DSCAML1: variants seen among roughly 807,000 people sequenced by gnomAD.
DSCAML1 encodes the protein cell adhesion molecule DSCAML1.
Under a neutral mutation model 200.5 loss-of-function variants are expected in DSCAML1, and 38 were observed. That is an observed-to-expected ratio of 0.19 (90% CI 0.15 to 0.25). The LOEUF (loss-of-function observed/expected upper bound fraction) is 0.25, where lower values mean the gene tolerates loss of function less well. DSCAML1 is among the 10% of genes least tolerant of loss of function. The pLI is 1.00. For synonymous variants in DSCAML1, 1,215 were observed against 1,165.0 expected, an observed-to-expected ratio of 1.04 and a Z score of -0.87; for missense variants, 2,223 against 2,858.8, an observed-to-expected ratio of 0.78 and a Z score of 5.07.
At chr11:117,523,120 C>T (rs2049911987) in intron 5 of DSCAML1, among the ~76,000 whole-genome samples, 1 of 152,090 alleles carries the variant, frequency 6.6e-6, no homozygotes, top group South Asian at 2.1e-4. Flanking sequence ...CTTGGGGAGG[C>T]GGGCAGGTGC....
At chr11:117,431,055 G>T (rs1256380217) in intron 31 of DSCAML1, 22 bp from the exon 32 acceptor site, 2 of 1,591,602 alleles carry the variant, frequency 1.3e-6, no homozygotes, top group Non-Finnish European at 1.7e-6. Context: ...AGAGGAAAGG[G>T]GTGGGTTACG....
At chr11:117,750,975 G>A (rs2054595560) in intron 3 of DSCAML1, among the ~76,000 whole-genome samples, 1 of 152,116 alleles carries the variant, frequency 6.6e-6, no homozygotes, top group Non-Finnish European at 1.5e-5. Flanking sequence ...CTTGCCCCCA[G>A]GTCACAGTCT....
At chr11:117,431,432 C>T in intron 31 of DSCAML1, 102 bp downstream of exon 31, 1 of 1,124,668 alleles carries the variant, frequency 8.9e-7, no homozygotes. Context: ...TGCCTTGGGC[C>T]CCATGAGCTG....
intron 3 of DSCAML1, among the ~76,000 whole-genome samples, chr11:117,650,702 C>CGCGCGT (rs768024449): frequency 4.1e-4 from 28 of 68,998 alleles, no homozygotes; most frequent in Admixed American, 3.0e-3. Context: ...TGTGTGTGTG[C>CGCGCGT]GTGTGTGTGT....
At chr11:117,563,788 C>A (rs2050705894) in intron 3 of DSCAML1, among the ~76,000 whole-genome samples, 1 of 152,164 alleles carries the variant, frequency 6.6e-6, no homozygotes, top group African/African-American at 2.4e-5. Flanking sequence ...CAGCGAGGAC[C>A]ATTCTGAGGG....
chr11:117,701,964 G>A (rs1436657281), intron 3 of DSCAML1, among the ~76,000 whole-genome samples: 3 of 152,154 alleles, frequency 2.0e-5, no homozygotes, highest in African/African-American at 7.2e-5. Context: ...GGTTACTGCA[G>A]TGCTCCACAC....
intron 3 of DSCAML1, among the ~76,000 whole-genome samples, chr11:117,736,644 C>A (rs1163799730): frequency 6.6e-6 from 1 of 152,144 alleles, no homozygotes; most frequent in Non-Finnish European, 1.5e-5. Context: ...GCCAGTAGCT[C>A]CCACCAGTCA....
At chr11:117,777,542 A>G (rs1414172111) in intron 2 of DSCAML1, among the ~76,000 whole-genome samples, 1 of 152,202 alleles carries the variant, frequency 6.6e-6, no homozygotes, top group Non-Finnish European at 1.5e-5. Context: ...AAGGGAGAGA[A>G]TGTTTGGGAC....
chr11:117,442,182 A>AGT (rs3057894), intron 21 of DSCAML1, among the ~76,000 whole-genome samples: 29,575 of 150,442 alleles, frequency 0.2, 3,887 homozygotes, highest in East Asian at 0.49. Flanking sequence ...TAGTGTGTAT[A>AGT]GTGTGTATGT....
chr11:117,684,555 C>CAGAGAG (rs143050500), intron 3 of DSCAML1, among the ~76,000 whole-genome samples: 267 of 145,920 alleles, frequency 1.8e-3, no homozygotes, highest in African/African-American at 6.4e-3. Flanking sequence ...TAGCAAAGAG[C>CAGAGAG]AGAGAGAGAG....
intron 8 of DSCAML1, among the ~76,000 whole-genome samples, chr11:117,515,481 T>A (rs2049741900): frequency 6.6e-6 from 1 of 152,170 alleles, no homozygotes; most frequent in South Asian, 2.1e-4. Flanking sequence ...TTGACTCACA[T>A]GCTCATGTAT....
At chr11:117,786,065 C>T (rs1470120760) in intron 1 of DSCAML1, among the ~76,000 whole-genome samples, 1 of 152,198 alleles carries the variant, frequency 6.6e-6, no homozygotes, top group Non-Finnish European at 1.5e-5. Context: ...GAGATTCCTC[C>T]CTTCCCCTCC....
chr11:117,508,364 A>G (rs574307575), intron 8 of DSCAML1, among the ~76,000 whole-genome samples: 1 of 152,090 alleles, frequency 6.6e-6, no homozygotes, highest in Non-Finnish European at 1.5e-5. Flanking sequence ...CTCCCTATAT[A>G]AGTCCTTATA....
chr11:117,459,781 C>T (rs1046727633), intron 18 of DSCAML1, among the ~76,000 whole-genome samples: 1 of 152,206 alleles, frequency 6.6e-6, no homozygotes, highest in East Asian at 1.9e-4. Flanking sequence ...GGACCAGCCT[C>T]GTAGACATGA....
rs1316008036 is a variant in DSCAML1 at position 117,796,990 on chromosome 11, T to G, written c.46+44A>C. 9.8e-6 allele frequency: 13 copies of G among 1,320,764 alleles called. No homozygotes were observed. The Admixed American group carries it at 1.6e-4, about 16-fold the overall frequency. The allele number at this position is 1,320,764 out of a possible 1,614,324, so 81.8% of individuals were successfully genotyped here. On this transcript the variant is annotated intron_variant, in intron 1 of 32. Transcript: ENST00000651296. ...CGCCTCGCCGCCAGCCGCGCCACCCTGGCCCCGCCGCCTCCGCCGCCCAGC... is the reference window on the plus strand; with the variant it reads ...CGCCTCGCCGCCAGCCGCGCCACCCGGGCCCCGCCGCCTCCGCCGCCCAGC...
chr11:117,726,628 A>C (rs1253119385), intron 3 of DSCAML1, among the ~76,000 whole-genome samples: 1 of 151,682 alleles, frequency 6.6e-6, no homozygotes, highest in African/African-American at 2.4e-5. Context: ...ACCAAGCAAG[A>C]CCTCCACTCT....
intron 3 of DSCAML1, among the ~76,000 whole-genome samples, chr11:117,585,660 C>G (rs1015038353): frequency 1.3e-5 from 2 of 152,132 alleles, no homozygotes; most frequent in African/African-American, 4.8e-5. Flanking sequence ...GGGTGTGACC[C>G]AATTGCTTGC....
chr11:117,571,527 C>A (rs87824), intron 3 of DSCAML1, among the ~76,000 whole-genome samples: 1 of 152,074 alleles, frequency 6.6e-6, no homozygotes, highest in South Asian at 2.1e-4. Context: ...CTGAGATTTC[C>A]GGTATTCCCA....
At chr11:117,430,072 G>A (rs937485839) in intron 32 of DSCAML1, among the ~76,000 whole-genome samples, 1 of 152,154 alleles carries the variant, frequency 6.6e-6, no homozygotes, top group African/African-American at 2.4e-5. Context: ...TTGTTTGATA[G>A]TCTGGGCTTT....
Sources: gnomAD v4.1 joint callset for allele counts (sites outside exome capture counted in the v4.1 genomes callset) on GRCh38, gnomAD v4.1.1 for gene constraint, MANE v1.5 for transcripts, NCBI Gene and HGNC (gene_info 2026-07-23, HGNC 2026-07-21) for gene names.